CCDC171: variants seen among roughly 807,000 people sequenced by gnomAD.
The protein encoded by CCDC171 is coiled-coil domain-containing protein 171.
CCDC171 carries 177 observed loss-of-function variants against 168.2 expected under a neutral mutation model. That is an observed-to-expected ratio of 1.05 (90% CI 0.93 to 1.19). The LOEUF is 1.19. CCDC171 is among the 50% of genes most tolerant of loss of function. The pLI is 0.00. For synonymous variants in CCDC171, 687 were observed against 540.8 expected, an observed-to-expected ratio of 1.27 and a Z score of -3.75; for missense variants, 1,991 against 1,539.0, an observed-to-expected ratio of 1.29 and a Z score of -4.91.
chr9:15,924,794 C>G (rs1825716656), intron 25 of CCDC171, among the ~76,000 whole-genome samples: 1 of 151,484 alleles, frequency 6.6e-6, no homozygotes, highest in Admixed American at 6.6e-5. Context: ...GACTATTTTT[C>G]AAAAGTCACC....
intron 18 of CCDC171, among the ~76,000 whole-genome samples, chr9:15,763,600 C>T (rs1279880447): frequency 1.3e-5 from 2 of 152,336 alleles, no homozygotes; most frequent in East Asian, 3.9e-4. Context: ...TAGAGGTTAT[C>T]TCCCAGGAGC....
Position 15,721,887 on chromosome 9 carries a change from A to C in CCDC171, c.1425+12A>C. The stretch of plus-strand genomic sequence containing the variant: ...ATGCATCTAATGAGGTAACACTTGC[A>C]CTGTTTGGCTCCACACATATAGCCT... On this transcript the variant is annotated intron_variant, in intron 12 of 25. Transcript: ENST00000380701. 2.1e-6 allele frequency: 3 copies of C among 1,437,382 alleles called. No homozygotes were observed. The South Asian group carries it at 4.2e-5, about 20-fold the overall frequency. The allele number at this position is 1,437,382 out of a possible 1,614,324, so 89.0% of individuals were successfully genotyped here.
intron 21 of CCDC171, among the ~76,000 whole-genome samples, chr9:15,837,381 C>A (rs189099445): frequency 6.6e-6 from 1 of 152,258 alleles, no homozygotes; most frequent in African/African-American, 2.4e-5. Flanking sequence ...TTATAGCAAG[C>A]TCTTTGTAAC....
chr9:15,672,493 T>G (rs1333311687), intron 9 of CCDC171, among the ~76,000 whole-genome samples: 1 of 152,208 alleles, frequency 6.6e-6, no homozygotes, highest in Non-Finnish European at 1.5e-5. Flanking sequence ...AGGTCTTACA[T>G]TTAAGTCTTT....
intron 9 of CCDC171, among the ~76,000 whole-genome samples, chr9:15,673,045 T>C (rs1053675206): frequency 6.6e-6 from 1 of 152,236 alleles, no homozygotes; most frequent in Non-Finnish European, 1.5e-5. Context: ...CAGTGGTTTG[T>C]AGTTCTCCTT....
intron 8 of CCDC171, among the ~76,000 whole-genome samples, chr9:15,659,705 A>T (rs925521113): frequency 1.3e-5 from 2 of 152,174 alleles, no homozygotes; most frequent in African/African-American, 4.8e-5. Context: ...AAATCATCTC[A>T]CTTTATTTGT....
At chr9:15,629,302 A>G (rs1393657951) in intron 7 of CCDC171, among the ~76,000 whole-genome samples, 1 of 151,846 alleles carries the variant, frequency 6.6e-6, no homozygotes, top group Non-Finnish European at 1.5e-5. Context: ...AGACGAATGT[A>G]TAGAATAACC....
At chr9:15,788,615 C>T (rs1345737162) in intron 21 of CCDC171, among the ~76,000 whole-genome samples, 2 of 150,534 alleles carry the variant, frequency 1.3e-5, no homozygotes, top group African/African-American at 4.9e-5. Flanking sequence ...GACAGGGCCT[C>T]ACTCTGTTGC....
At chr9:15,687,418 C>T (rs1035167793) in intron 10 of CCDC171, among the ~76,000 whole-genome samples, 4 of 60,452 alleles carry the variant, frequency 6.6e-5, no homozygotes, top group African/African-American at 2.2e-4. Context: ...ACAGCGAGAC[C>T]CCGTCTCTTA....
At chr9:15,952,114 T>C (rs1829257533) in intron 25 of CCDC171, among the ~76,000 whole-genome samples, 1 of 152,172 alleles carries the variant, frequency 6.6e-6, no homozygotes, top group Admixed American at 6.5e-5. Context: ...GCAGTTCTCC[T>C]AGCACTGTTT....
intron 2 of CCDC171, among the ~76,000 whole-genome samples, chr9:15,566,687 G>T (rs187427706): frequency 1.8e-4 from 28 of 152,288 alleles, no homozygotes; most frequent in Non-Finnish European, 2.9e-4. Flanking sequence ...ATGAAGTCCA[G>T]TTTATCAGTT....
chr9:15,756,037 T>G (rs1363395237), intron 18 of CCDC171, among the ~76,000 whole-genome samples: 1 of 152,196 alleles, frequency 6.6e-6, no homozygotes. Context: ...AGGCAAAAGC[T>G]TTCCCATAAG....
At chr9:15,697,051 G>A (rs973766355) in intron 11 of CCDC171, among the ~76,000 whole-genome samples, 8 of 152,118 alleles carry the variant, frequency 5.3e-5, no homozygotes, top group African/African-American at 1.4e-4. Flanking sequence ...GCCTTGGGAG[G>A]CTGCCTTCTG....
chr9:16,072,618 G>C, the CCDC171 span, among the ~76,000 whole-genome samples: 1 of 152,118 alleles, frequency 6.6e-6, no homozygotes. Flanking sequence ...GGCTGATCTG[G>C]TTTCTACTTG....
chr9:15,736,661 TTTTCTTTCTTTC>T (rs58407296), intron 16 of CCDC171, among the ~76,000 whole-genome samples: 28 of 148,008 alleles, frequency 1.9e-4, no homozygotes, highest in South Asian at 8.8e-4. Context: ...TCACATTTCT[TTTTCTTTCTTTC>T]TTTCTTTCTT....
At chr9:16,014,820 T>C (rs1009821354) in intron 3 of CCDC171, among the ~76,000 whole-genome samples, 1 of 152,186 alleles carries the variant, frequency 6.6e-6, no homozygotes, top group Non-Finnish European at 1.5e-5. Flanking sequence ...AACCATGCTA[T>C]AAACAGGCTT....
intron 25 of CCDC171, among the ~76,000 whole-genome samples, chr9:15,943,174 T>A (rs1424744614): frequency 6.6e-6 from 1 of 152,054 alleles, no homozygotes; most frequent in African/African-American, 2.4e-5. Flanking sequence ...GTCTTTATTG[T>A]CACTGATATA....
chr9:16,047,979 A>G (rs1388698605), intron 1 of CCDC171, among the ~76,000 whole-genome samples: 1 of 152,184 alleles, frequency 6.6e-6, no homozygotes, highest in Non-Finnish European at 1.5e-5. Flanking sequence ...GATGGCTCTC[A>G]GAGAGGTAGG....
intron 3 of CCDC171, among the ~76,000 whole-genome samples, chr9:16,009,564 G>C (rs923736731): frequency 2.0e-5 from 3 of 151,948 alleles, no homozygotes; most frequent in African/African-American, 7.3e-5. Flanking sequence ...TTTCCCTTAC[G>C]ATTCTTTCTG....
Sources: gnomAD v4.1 joint callset for allele counts (sites outside exome capture counted in the v4.1 genomes callset) on GRCh38, gnomAD v4.1.1 for gene constraint, MANE v1.5 for transcripts, NCBI Gene and HGNC (gene_info 2026-07-23, HGNC 2026-07-21) for gene names.